The following PPP2R5C variants were observed in gnomAD, a reference collection of about 807,000 sequenced individuals.
PPP2R5C encodes the protein serine/threonine-protein phosphatase 2A 56 kDa regulatory subunit gamma isoform.
PPP2R5C carries 7 observed loss-of-function variants against 68.9 expected under a neutral mutation model. The observed-to-expected ratio is 0.10, with a 90% confidence interval of 0.06 to 0.19. PPP2R5C has a LOEUF of 0.19. PPP2R5C is among the 10% of genes least tolerant of loss of function. The pLI is 1.00. For synonymous variants in PPP2R5C, 210 were observed against 222.2 expected, an observed-to-expected ratio of 0.95 and a Z score of 0.49; for missense variants, 348 against 641.3, an observed-to-expected ratio of 0.54 and a Z score of 4.94.
At chr14:101,878,797 T>G (rs1255286672) in intron 2 of PPP2R5C, among the ~76,000 whole-genome samples, 1 of 152,222 alleles carries the variant, frequency 6.6e-6, no homozygotes, top group Non-Finnish European at 1.5e-5. Context: ...GTCCATTGAT[T>G]ATAGGTGTTA....
chr14:101,834,658 A>G (rs1035158894), intron 1 of PPP2R5C, among the ~76,000 whole-genome samples: 2 of 152,238 alleles, frequency 1.3e-5, no homozygotes, highest in Non-Finnish European at 2.9e-5. Context: ...AGGCCTGTCA[A>G]GTCGCTTGGG....
At chr14:101,791,137 G>A (rs1029024342) in intron 3 of PPP2R5C, among the ~76,000 whole-genome samples, 1 of 152,166 alleles carries the variant, frequency 6.6e-6, no homozygotes, top group Non-Finnish European at 1.5e-5. Context: ...TTCCAAAGTG[G>A]TTGTACTGTT....
intron 3 of PPP2R5C, chr14:101,796,850 C>T: frequency 1.9e-5 from 5 of 262,894 alleles, no homozygotes; most frequent in South Asian, 1.5e-4. Flanking sequence ...CCTGCTGCCT[C>T]TGCTCCTCAA....
In PPP2R5C at chr14:101,916,790, C is replaced by T. The variant is rs1420578729; in HGVS notation, c.1327-1041C>T. 2.6e-5 allele frequency among the ~76,000 whole-genome samples: 4 copies of T among 151,984 alleles called. No individual in the cohort carries two copies. The highest frequency in any genetic ancestry group is 1.3e-4 in the Admixed American group (2 of 15,262). ...GACAGGAGCTCAGCCTGAAAGAGGC[C>T]GAAGCTGTGGGACTCACTGGGCAGA... On this transcript the variant is annotated intron_variant, in intron 12 of 13. Transcript: ENST00000334743. The surrounding 1 kb of genome is among the most constrained non-coding windows in gnomAD (Gnocchi z 5.5).
intron 2 of PPP2R5C, among the ~76,000 whole-genome samples, chr14:101,777,936 C>G (rs760994703): frequency 7.2e-5 from 11 of 151,896 alleles, no homozygotes; most frequent in Non-Finnish European, 1.5e-4. Context: ...CCATACCTGG[C>G]TATTTTTTTT....
intron 12 of PPP2R5C, 184 bp downstream of exon 14, chr14:101,912,657 CA>C: frequency 8.0e-7 from 1 of 1,245,450 alleles, no homozygotes; most frequent in South Asian, 2.6e-5. Context: ...TATTTTGCCC[CA>C]TATCGTTTTA....
intron 2 of PPP2R5C, among the ~76,000 whole-genome samples, chr14:101,861,191 G>A (rs1029343501): frequency 6.6e-6 from 1 of 152,166 alleles, no homozygotes; most frequent in Non-Finnish European, 1.5e-5. Context: ...GTTAGGGGTT[G>A]CACCCTTTCA....
intron 8 of PPP2R5C, 114 bp from the exon 11 acceptor site, chr14:101,901,605 A>T: frequency 2.0e-6 from 2 of 1,024,722 alleles, no homozygotes; most frequent in Middle Eastern, 3.1e-4. Context: ...AGATGGCACC[A>T]TCTCCGTGTG....
In PPP2R5C at chr14:101,792,023, G is replaced by A. The variant is rs1358832032; in HGVS notation, c.259+5840G>A. Among the ~76,000 whole-genome samples, 4 of 152,296 alleles carry A rather than the reference G, an allele frequency of 2.6e-5. No individual in the cohort carries two copies. The East Asian group carries it at 5.8e-4, about 22-fold the overall frequency. On this transcript the variant is annotated intron_variant, in intron 3 of 14. Coordinates refer to the PPP2R5C transcript ENST00000328724. ...ACCTGGAGGCACTGCCAATCTGGGA[G>A]TGCCTTAAACCACAACACTGGTTTG...
intron 5 of PPP2R5C, chr14:101,890,007 TA>T: frequency 1.6e-6 from 1 of 634,672 alleles, no homozygotes; most frequent in South Asian, 1.5e-5. Flanking sequence ...CAAAATAAAA[TA>T]TTGAGAAAAA....
At chr14:101,827,888 G>T (rs2040492112) in intron 1 of PPP2R5C, among the ~76,000 whole-genome samples, 1 of 152,114 alleles carries the variant, frequency 6.6e-6, no homozygotes, top group Admixed American at 6.5e-5. Context: ...TTGTCTTCTT[G>T]TTCCCTATAA....
At chr14:101,857,193 T>C (rs990191355) in intron 2 of PPP2R5C, among the ~76,000 whole-genome samples, 2 of 152,260 alleles carry the variant, frequency 1.3e-5, no homozygotes, top group African/African-American at 4.8e-5. Context: ...TTATCTTCTT[T>C]AAATTTTTTT....
At chr14:101,779,828 A>G (rs958049073) in intron 2 of PPP2R5C, among the ~76,000 whole-genome samples, 1 of 152,200 alleles carries the variant, frequency 6.6e-6, no homozygotes, top group Admixed American at 6.5e-5. Context: ...TGTACCACCA[A>G]CACTGAAAAT....
chr14:101,901,855 A>G (rs372346783), exon 9 of PPP2R5C: 1 of 1,614,084 alleles, frequency 6.2e-7, no homozygotes, highest in African/African-American at 1.3e-5. Context: ...CTCTTCCGGC[A>G]GTTGGCCAAA....
At position 101,797,410 on chromosome 14, in the gene PPP2R5C, C is replaced by T; in HGVS notation, c.259+11227C>T. 2.4e-6 allele frequency: 1 copy of T among 416,224 alleles called. No individual in the cohort carries two copies. The highest frequency in any genetic ancestry group is 4.9e-6 in the Non-Finnish European group (1 of 203,254). 25.8% of individuals were successfully genotyped at this position (416,224 alleles called of 1,614,324 possible). On this transcript the variant is annotated intron_variant, in intron 3 of 14. Transcript: ENST00000328724. The surrounding 1 kb of genome is among the most constrained non-coding windows in gnomAD (Gnocchi z 4.2). ...TGTCTGCCTGTGTCATCCATTCGAG[C>T]ATCTGCCAAGGACCCAGGAAACACA... is the stretch of plus-strand genomic sequence containing the variant.
chr14:101,772,481 A>G (rs758635107), intron 2 of PPP2R5C, among the ~76,000 whole-genome samples: 61 of 152,122 alleles, frequency 4.0e-4, no homozygotes, highest in Non-Finnish European at 7.1e-4. Flanking sequence ...CAAAACACAA[A>G]ATTTATTTTG....
rs563683565 is a variant in PPP2R5C, at chr14:101,905,706, C to G, written c.1024-696C>G. Among the ~76,000 whole-genome samples the G allele has an allele frequency of 1.2e-4, 19 of 152,144 alleles. No individual in the cohort carries two copies. The East Asian group carries it at 2.7e-3, about 22-fold the overall frequency. On this transcript the variant is annotated intron_variant, in intron 9 of 13. Coordinates refer to ENST00000334743, the Ensembl canonical transcript of PPP2R5C. ...TGGGGGAACCACCCTCTAGTGGCTT[C>G]CCGTGAGTAAGCGCCAGTGCACTCA...
chr14:101,880,862 A>G (rs1177622666), intron 2 of PPP2R5C, among the ~76,000 whole-genome samples: 7 of 152,218 alleles, frequency 4.6e-5, no homozygotes, highest in African/African-American at 1.4e-4. Flanking sequence ...TCTTTACAAG[A>G]CTGGGTATCT....
intron 2 of PPP2R5C, among the ~76,000 whole-genome samples, chr14:101,767,824 TGG>T (rs1196943784): frequency 6.6e-6 from 1 of 152,062 alleles, no homozygotes; most frequent in East Asian, 1.9e-4. Context: ...TCCCGAGCTT[TGG>T]GGTTGTTAGG....
Sources: allele counts gnomAD v4.1 joint callset (sites outside exome capture counted in the v4.1 genomes callset), GRCh38; gene constraint gnomAD v4.1.1; non-coding constraint Gnocchi (gnomAD v3.1); transcripts MANE v1.5; gene names NCBI Gene and HGNC (gene_info 2026-07-23, HGNC 2026-07-21).